The following AGMO variants were observed in gnomAD, a reference collection of about 807,000 sequenced individuals.
AGMO encodes the protein glyceryl-ether monooxygenase.
AGMO carries 75 observed loss-of-function variants against 60.2 expected under a neutral mutation model. The observed-to-expected ratio is 1.25, with a 90% CI of 1.03 to 1.51. The LOEUF (loss-of-function observed/expected upper bound fraction) is 1.51. Ranked by LOEUF, AGMO falls within the 40% of genes most tolerant of loss-of-function variation. The pLI is 0.00. For synonymous variants in AGMO, 261 were observed against 177.1 expected (o/e 1.47, Z -3.76); for missense variants, 763 against 525.5 (o/e 1.45, Z -4.42).
chr7:15,118,165 TAAAGAGAA>T, the AGMO span, among the ~76,000 whole-genome samples: 1 of 49,062 alleles, frequency 2.0e-5, no homozygotes, highest in Non-Finnish European at 4.5e-5. Context: ...TAAAAACCAC[TAAAGAGAA>T]ACACACACAC....
At chr7:15,160,182 G>T in the AGMO span, among the ~76,000 whole-genome samples, 1 of 152,110 alleles carries the variant, frequency 6.6e-6, no homozygotes. Context: ...ATTGATCACG[G>T]AACAGCGAGA....
chr7:15,382,929 T>A (rs775736422), intron 10 of AGMO, among the ~76,000 whole-genome samples: 3 of 152,146 alleles, frequency 2.0e-5, no homozygotes, highest in Admixed American at 1.3e-4. Flanking sequence ...TCTATTGTTA[T>A]ATAGATGTAA....
chr7:15,303,793 G>C (rs1368327255), intron 12 of AGMO, among the ~76,000 whole-genome samples: 1 of 151,984 alleles, frequency 6.6e-6, no homozygotes, highest in Admixed American at 6.6e-5. Flanking sequence ...AAGATACAAG[G>C]AAATACATGT....
At chr7:15,311,261 T>C (rs1031801429) in intron 12 of AGMO, among the ~76,000 whole-genome samples, 8 of 152,192 alleles carry the variant, frequency 5.3e-5, no homozygotes, top group African/African-American at 7.2e-5. Context: ...GAAACTCATA[T>C]AGCGCAAAAG....
chr7:15,314,580 C>T (rs1046028439), intron 12 of AGMO, among the ~76,000 whole-genome samples: 1 of 152,056 alleles, frequency 6.6e-6, no homozygotes, highest in Non-Finnish European at 1.5e-5. Flanking sequence ...TTCACTGGAA[C>T]ACTGCATAAT....
chr7:15,149,399 A>G, the AGMO span, among the ~76,000 whole-genome samples: 1 of 152,076 alleles, frequency 6.6e-6, no homozygotes, highest in Admixed American at 6.6e-5. Context: ...CAAGGCCTAC[A>G]TCCACAAAAA....
chr7:15,364,516 T>G (rs964791201), intron 12 of AGMO, among the ~76,000 whole-genome samples: 13 of 152,044 alleles, frequency 8.6e-5, no homozygotes, highest in East Asian at 7.7e-4. Context: ...CAAATAGTCC[T>G]CCATTCATGG....
chr7:15,404,896 T>C (rs1239778798), intron 5 of AGMO, among the ~76,000 whole-genome samples: 3 of 151,856 alleles, frequency 2.0e-5, no homozygotes, highest in Admixed American at 6.6e-5. Flanking sequence ...TAGCTTCCAT[T>C]CTCGAATGTT....
intron 3 of AGMO, among the ~76,000 whole-genome samples, chr7:15,513,033 G>C (rs1360628308): frequency 1.3e-5 from 2 of 152,132 alleles, no homozygotes; most frequent in East Asian, 1.9e-4. Context: ...TTACTTGTGA[G>C]ATTGCCTTTA....
At chr7:15,223,374 T>A (rs775824514) in intron 12 of AGMO, among the ~76,000 whole-genome samples, 1 of 151,926 alleles carries the variant, frequency 6.6e-6, no homozygotes, top group African/African-American at 2.4e-5. Context: ...TTGCATTATA[T>A]TGAAATGCTC....
chr7:15,491,627 C>T lies in AGMO; in HGVS notation c.409+53145G>A, dbSNP rs372068814. Among the ~76,000 whole-genome samples, 23 of 152,196 alleles carry T rather than the reference C, an allele frequency of 1.5e-4. No individual in the cohort carries two copies. The South Asian group carries it at 3.7e-3, about 25-fold the overall frequency. The stretch of plus-strand genomic sequence containing the variant: ...CTATGGCTAAAATGTAACGACACAA[C>T]CCAAGATGAAGCCCCAAAGGAAAAA... On this transcript the variant is annotated intron_variant, in intron 3 of 12. Transcript: ENST00000342526.
intron 3 of AGMO, among the ~76,000 whole-genome samples, chr7:15,513,328 T>G (rs556742461): frequency 1.3e-5 from 2 of 152,104 alleles, no homozygotes; most frequent in Admixed American, 1.3e-4. Context: ...CCTGGCATTG[T>G]GGATTTTGAC....
chr7:15,346,783 A>G (rs1334866405), intron 12 of AGMO, among the ~76,000 whole-genome samples: 1 of 151,984 alleles, frequency 6.6e-6, no homozygotes, highest in Non-Finnish European at 1.5e-5. Flanking sequence ...TATAAGCAAA[A>G]AAACAAGTTG....
At chr7:15,186,342 A>G in the AGMO span, among the ~76,000 whole-genome samples, 2 of 152,184 alleles carry the variant, frequency 1.3e-5, no homozygotes, top group African/African-American at 2.4e-5. Context: ...CAGTAGTTGC[A>G]TATTACTTTC....
chr7:15,357,961 AGAAAG>A (rs983343956), intron 12 of AGMO, among the ~76,000 whole-genome samples: 1 of 152,220 alleles, frequency 6.6e-6, no homozygotes, highest in African/African-American at 2.4e-5. Flanking sequence ...ACCAAAGAAA[AGAAAG>A]GAAGAGAAAA....
chr7:15,406,014 C>A (rs1292213671), intron 5 of AGMO, among the ~76,000 whole-genome samples: 1 of 151,826 alleles, frequency 6.6e-6, no homozygotes, highest in East Asian at 1.9e-4. Context: ...CCAATCCTTT[C>A]ACAACAGACA....
chr7:15,460,014 C>T (rs1275407310), intron 3 of AGMO, among the ~76,000 whole-genome samples: 1 of 151,748 alleles, frequency 6.6e-6, no homozygotes, highest in East Asian at 1.9e-4. Flanking sequence ...TGAGCACTTA[C>T]TATGTGTATA....
At chr7:15,296,821 C>T (rs552905731) in intron 12 of AGMO, among the ~76,000 whole-genome samples, 33 of 152,250 alleles carry the variant, frequency 2.2e-4, no homozygotes, top group African/African-American at 6.7e-4. Context: ...AACACAACTA[C>T]AAATTTAGCT....
chr7:15,552,305 C>T (rs948062255), intron 2 of AGMO, among the ~76,000 whole-genome samples: 1 of 152,098 alleles, frequency 6.6e-6, no homozygotes, highest in Admixed American at 6.5e-5. Context: ...GCAACAAAAG[C>T]CAAAATTGAC....
Sources: allele counts gnomAD v4.1 joint callset (sites outside exome capture counted in the v4.1 genomes callset), GRCh38; gene constraint gnomAD v4.1.1; transcripts MANE v1.5; gene names NCBI Gene and HGNC (gene_info 2026-07-23, HGNC 2026-07-21).